PHF21B: variants seen among roughly 807,000 people sequenced by gnomAD.
PHF21B encodes PHD finger protein 4.
Under a neutral mutation model 62.2 loss-of-function variants are expected in PHF21B, and 22 were observed. That is an observed-to-expected ratio of 0.35 (90% CI 0.25 to 0.51). The LOEUF (loss-of-function observed/expected upper bound fraction) is 0.51. PHF21B is among the 20% of genes least tolerant of loss of function. The pLI is 0.97. For missense variants in PHF21B, 701 were observed against 707.9 expected, an observed-to-expected ratio of 0.99 and a Z score of 0.11; for synonymous variants, 341 against 314.7, an observed-to-expected ratio of 1.08 and a Z score of -0.88.
intron 8 of PHF21B, among the ~76,000 whole-genome samples, chr22:44,890,622 C>T (rs942519947): frequency 2.0e-5 from 3 of 152,210 alleles, no homozygotes; most frequent in Admixed American, 6.5e-5. Flanking sequence ...ATTTCCTGCT[C>T]GTGGGACTAT....
At chr22:44,964,179 C>T (rs1299016097) in intron 2 of PHF21B, among the ~76,000 whole-genome samples, 1 of 152,202 alleles carries the variant, frequency 6.6e-6, no homozygotes, top group African/African-American at 2.4e-5. Context: ...GTGACAAACA[C>T]AGAGGATTCA....
chr22:44,896,880 G>GTTTTGTTTTTT (rs1555933166), intron 5 of PHF21B, among the ~76,000 whole-genome samples: 1 of 84,092 alleles, frequency 1.2e-5, no homozygotes, highest in African/African-American at 4.1e-5. Context: ...AGTTTTATCT[G>GTTTTGTTTTTT]TTTTTTTTTT....
intron 2 of PHF21B, among the ~76,000 whole-genome samples, chr22:44,930,985 G>T (rs560806324): frequency 2.5e-4 from 38 of 152,354 alleles, no homozygotes; most frequent in Admixed American, 2.3e-3. Flanking sequence ...ACGCCCAGGG[G>T]ACTCTTAGAA....
chr22:44,988,087 T>A (rs1308124355), intron 2 of PHF21B, among the ~76,000 whole-genome samples: 1 of 152,190 alleles, frequency 6.6e-6, no homozygotes, highest in Admixed American at 6.5e-5. Flanking sequence ...AAGCAGAGCC[T>A]AGGGAGAACA....
At chr22:45,008,653 G>A in intron 1 of PHF21B, 43 bp from the exon 2 acceptor site, 1 of 1,532,014 alleles carries the variant, frequency 6.5e-7, no homozygotes, top group Non-Finnish European at 8.8e-7. Flanking sequence ...GCCACCCGGG[G>A]TCAGGTGCAC....
chr22:44,901,493 A>T (rs2071158235), intron 5 of PHF21B: 2 of 214,342 alleles, frequency 9.3e-6, no homozygotes, highest in African/African-American at 4.6e-5. Context: ...GATGCCTCCC[A>T]TTATACATGT....
chr22:44,960,363 CG>C (rs2072394094), intron 2 of PHF21B, among the ~76,000 whole-genome samples: 1 of 152,114 alleles, frequency 6.6e-6, no homozygotes. Flanking sequence ...AATTCTGGGT[CG>C]ACACTGCAGT....
intron 2 of PHF21B, among the ~76,000 whole-genome samples, chr22:44,993,172 G>A (rs970432986): frequency 2.0e-5 from 3 of 152,190 alleles, no homozygotes; most frequent in African/African-American, 7.2e-5. Context: ...TTCCTGGCAG[G>A]ACTCGCTGGC....
In PHF21B at chr22:44,882,923, T is replaced by C. The variant is rs1569202728; in HGVS notation, c.*163A>G. On this transcript the variant is annotated 3_prime_UTR_variant, in exon 13 of 13. Coordinates refer to ENST00000313237, the MANE Select transcript of PHF21B (RefSeq NM_138415.5). Reference sequence around the variant, plus strand: ...ACAGGGCCGCACCCCCACCTGGTCCTGGCTCTAGGCCTCTCGCCCAGCTCT... The same window carrying C: ...ACAGGGCCGCACCCCCACCTGGTCCCGGCTCTAGGCCTCTCGCCCAGCTCT... The C allele has an allele frequency of 2.3e-6, 2 of 868,312 alleles. No individual in the cohort carries two copies. Among genetic ancestry groups the C allele is most frequent in the South Asian group, 1.8e-5 (1 of 56,162 alleles). 53.8% of individuals were successfully genotyped at this position (868,312 alleles called of 1,614,324 possible).
At chr22:44,933,494 A>G in intron 2 of PHF21B, 1 of 985,490 alleles carries the variant, frequency 1.0e-6, no homozygotes, top group Non-Finnish European at 1.2e-6. Flanking sequence ...TCCCTTGTGC[A>G]CAGATGAGAG....
At chr22:44,956,521 A>G (rs552372927) in intron 2 of PHF21B, among the ~76,000 whole-genome samples, 1 of 152,334 alleles carries the variant, frequency 6.6e-6, no homozygotes, top group South Asian at 2.1e-4. Context: ...GCAGGTGGCA[A>G]TTTAGCCCTT....
At chr22:45,008,821 TCGCGG>T (rs2147556462) in intron 1 of PHF21B, 11 of 1,183,688 alleles carry the variant, frequency 9.3e-6, no homozygotes, top group Non-Finnish European at 1.1e-5. Context: ...TCGGGGCAGC[TCGCGG>T]GGCGGGGCGG....
At chr22:44,939,914 T>C (rs761343851) in intron 2 of PHF21B, among the ~76,000 whole-genome samples, 6 of 152,024 alleles carry the variant, frequency 3.9e-5, no homozygotes, top group Non-Finnish European at 8.8e-5. Context: ...TAAGACATGG[T>C]TGGGCTCTGG....
intron 2 of PHF21B, among the ~76,000 whole-genome samples, chr22:44,929,909 C>T (rs902709634): frequency 1.2e-4 from 18 of 152,136 alleles, no homozygotes; most frequent in African/African-American, 3.4e-4. Context: ...GGTGAGGCAG[C>T]GAGCCCAGGC....
At position 45,009,142 on chromosome 22, in the gene PHF21B, G is replaced by GCGGGCGC; in HGVS notation, c.54+353_54+354insGCGCCCG. Reference sequence around the variant, plus strand: ...GTTCGCCCGGGGCGCGGGGGCCCGAGGGGAGGCCGGAAGGGGGCCTATTCG... The same window carrying GCGGGCGC: ...GTTCGCCCGGGGCGCGGGGGCCCGAGCGGGCGCGGGAGGCCGGAAGGGGGCCTATTCG... On this transcript the variant is annotated intron_variant, in intron 1 of 12. Coordinates refer to ENST00000313237, the MANE Select transcript of PHF21B (RefSeq NM_138415.5). The surrounding 1 kb of genome is among the most constrained non-coding windows in gnomAD (Gnocchi z 5.9). 1 of 646,628 alleles carries GCGGGCGC rather than the reference G, an allele frequency of 1.5e-6. No individual in the cohort carries two copies. The highest frequency in any genetic ancestry group is 2.1e-6 in the Non-Finnish European group (1 of 469,314). The allele number at this position is 646,628 out of a possible 1,614,324, so 40.1% of individuals were successfully genotyped here. A position where few individuals can be genotyped will look rare whatever the true frequency, so the allele number is the denominator to read the frequency against.
rs79098238 is a variant in PHF21B at position 44,883,239 on chromosome 22, G to A, written c.1443C>T (p.Arg481=). ...GTATCAGTCTCAGGAGGGCCCGCAG[G>A]CGGTCCAGGGATGACTGGGTGCCCC... is the stretch of plus-strand genomic sequence containing the variant. The part of the protein sequence containing the change: ...RQRGTQSSLD[R]LRALLRLIQG... The change falls in exon 13 of 13, where the codon CGC becomes CGT. Residue 481 remains arginine, a synonymous_variant. Coordinates refer to ENST00000313237, the MANE Select transcript of PHF21B (RefSeq NM_138415.5). 3,308 of 1,613,964 alleles carry A rather than the reference G, an allele frequency of 2.0e-3. 48 individuals are homozygous for A. In the East Asian group the frequency reaches 0.04, roughly 20 times the overall value.
In PHF21B at chr22:44,881,328, C is replaced by T. The variant is rs2070739057; in HGVS notation, c.*1758G>A. 1 of 152,676 alleles carries T rather than the reference C, an allele frequency of 6.5e-6. No individual in the cohort carries two copies. The highest frequency in any genetic ancestry group is 1.5e-5 in the Non-Finnish European group (1 of 68,054). The allele number at this position is 152,676 out of a possible 1,614,324, so 9.5% of individuals were successfully genotyped here. On this transcript the variant is annotated 3_prime_UTR_variant, in exon 13 of 13. Coordinates refer to ENST00000313237, the MANE Select transcript of PHF21B (RefSeq NM_138415.5). ...CATCGGCAGCTACCCCTCCCGGGTC[C>T]AACCTTTCAGATCCTCCCATTACAC...
chr22:44,894,044 C>T (rs944340638), intron 6 of PHF21B, among the ~76,000 whole-genome samples: 2 of 152,180 alleles, frequency 1.3e-5, no homozygotes, highest in South Asian at 2.1e-4. Context: ...TTTTCTTTTC[C>T]TTTTTCTTTG....
At chr22:44,919,307 T>C (rs2071494106) in intron 3 of PHF21B, among the ~76,000 whole-genome samples, 1 of 152,256 alleles carries the variant, frequency 6.6e-6, no homozygotes, top group South Asian at 2.1e-4. Flanking sequence ...CGGCCCAGGA[T>C]GGCTTCGAAT....
Sources: gnomAD v4.1 joint callset for allele counts (sites outside exome capture counted in the v4.1 genomes callset) on GRCh38, gnomAD v4.1.1 for gene constraint, Gnocchi (gnomAD v3.1) non-coding constraint, MANE v1.5 for transcripts, NCBI Gene and HGNC (gene_info 2026-07-23, HGNC 2026-07-21) for gene names.